EDEM3: variants seen among roughly 807,000 people sequenced by gnomAD.
EDEM3 encodes the protein ER degradation-enhancing alpha-mannosidase-like protein 3.
Under a neutral mutation model 110.2 loss-of-function variants are expected in EDEM3, and 60 were observed. The ratio of observed to expected loss-of-function variants is 0.54; its 90% confidence interval spans 0.44 to 0.67. EDEM3 has a LOEUF of 0.67. Ranked by LOEUF, EDEM3 falls within the 30% of genes least tolerant of loss-of-function variation. The probability of loss-of-function intolerance (pLI) is 0.00; values close to 1 mark genes in which losing one functional copy is unlikely to be tolerated. For synonymous variants in EDEM3, 352 were observed against 382.9 expected (o/e 0.92, Z 0.94); for missense variants, 996 against 1,121.0 (o/e 0.89, Z 1.59).
rs58913815 is a variant in EDEM3 at position 184,704,649 on chromosome 1, C to CAAAAAAAAAAAAA, written c.2204-1666_2204-1654dup. Reference sequence around the variant, plus strand: ...TGGGTGACAAAGCAAGACTCTGTCTCAAAAAAAAAAAAAAAAAAAAAAAAA... The same window carrying CAAAAAAAAAAAAA: ...TGGGTGACAAAGCAAGACTCTGTCTCAAAAAAAAAAAAAAAAAAAAAAAAAAAAAAAAAAAAAA... On this transcript the variant is annotated intron_variant, in intron 18 of 19. Transcript: ENST00000318130. Among the ~76,000 whole-genome samples, 4 of 29,914 alleles carry CAAAAAAAAAAAAA rather than the reference C, an allele frequency of 1.3e-4. 1 individual carries two copies. Among genetic ancestry groups the CAAAAAAAAAAAAA allele is most frequent in the African/African-American group, 4.3e-4 (4 of 9,338 alleles). The allele number at this position is 29,914 out of a possible 152,430, so 19.6% of individuals were successfully genotyped here.
rs958552501 is a variant in EDEM3 at position 184,691,780 on chromosome 1, T to G, written c.*2283A>C. The stretch of plus-strand genomic sequence containing the variant: ...TCCTCTTTTCTTAACTAGGGAAATA[T>G]TGAGTATAATTCCTTCTGGGTATTA... On this transcript the variant is annotated 3_prime_UTR_variant, in exon 20 of 20. Transcript: ENST00000318130. The G allele has an allele frequency of 6.6e-6, 1 of 152,166 alleles. No individual in the cohort carries two copies. The highest frequency in any genetic ancestry group is 2.1e-4 in the South Asian group (1 of 4,838). 9.4% of individuals were successfully genotyped at this position (152,166 alleles called of 1,614,324 possible).
At position 184,716,880 on chromosome 1, in the gene EDEM3, T is replaced by A. The variant is rs748614688; in HGVS notation, c.1370+8A>T. ...CCTGAGGAAAGAGGATGTTAGCAAT[T>A]GTTTTACCTGTCCTCATGACTTCCA... On this transcript the variant is annotated splice_region_variant and intron_variant, in intron 13 of 19. Transcript: ENST00000318130. The A allele has an allele frequency of 6.2e-7, 1 of 1,612,598 alleles. No homozygotes were observed. The highest frequency in any genetic ancestry group is 2.2e-5 in the East Asian group (1 of 44,814).
At chr1:184,719,035 AAG>A in intron 11 of EDEM3, 125 bp downstream of exon 11, 1 of 482,818 alleles carries the variant, frequency 2.1e-6, no homozygotes, top group Non-Finnish European at 3.5e-6. Context: ...AAAAAATAAA[AAG>A]AACCAACAAG....
chr1:184,733,695 G>A lies in EDEM3; in HGVS notation c.459-705C>T, dbSNP rs188187211. 1.7e-3 allele frequency among the ~76,000 whole-genome samples: 260 copies of A among 152,142 alleles called. 2 individuals are homozygous for A. The highest frequency in any genetic ancestry group is 5.9e-3 in the African/African-American group (245 of 41,500). ...ATACAAAAATTAGCTGGGCATGGTG[G>A]CAGGTGCCTGTAATCCCAGCTACTC... is the stretch of plus-strand genomic sequence containing the variant. On this transcript the variant is annotated intron_variant, in intron 5 of 19. Coordinates refer to ENST00000318130, the MANE Select transcript of EDEM3 (RefSeq NM_025191.4).
chr1:184,742,325 T>C (rs1485911180), intron 2 of EDEM3, among the ~76,000 whole-genome samples: 2 of 152,326 alleles, frequency 1.3e-5, no homozygotes, highest in East Asian at 3.9e-4. Flanking sequence ...AGAATCCACA[T>C]ACAGCTACTA....
At position 184,704,774 on chromosome 1, in the gene EDEM3, C is replaced by T. The variant is rs968980305; in HGVS notation, c.2204-1778G>A. Among the ~76,000 whole-genome samples the T allele has an allele frequency of 6.8e-5, 10 of 147,216 alleles. No homozygotes were observed. The Admixed American group carries it at 6.8e-4, about 10-fold the overall frequency. On this transcript the variant is annotated intron_variant, in intron 18 of 19. Coordinates refer to ENST00000318130, the MANE Select transcript of EDEM3 (RefSeq NM_025191.4). ...AATAGCTACCAAAAAAAACATTTGA[C>T]GGGCCAGGCTTGGTGGCTCATGACT...
chr1:184,707,486 A>C (rs1231049651), intron 17 of EDEM3, among the ~76,000 whole-genome samples: 1 of 152,242 alleles, frequency 6.6e-6, no homozygotes, highest in African/African-American at 2.4e-5. Context: ...CAGTTGAATG[A>C]ATCAATCAAT....
Position 184,723,881 on chromosome 1 carries a change from A to AG in EDEM3, c.748-26_748-25insC, listed in dbSNP as rs759351841. ...CCTGTAATTTAAAAAAAAAAAAAAA[A>AG]AAAAGAAGTGCATATTTGAAGAACT... On this transcript the variant is annotated intron_variant, in intron 7 of 19. Transcript: ENST00000318130. 13 of 1,512,652 alleles carry AG rather than the reference A, an allele frequency of 8.6e-6. No individual in the cohort carries two copies. The East Asian group carries it at 2.8e-4, about 33-fold the overall frequency. 93.7% of individuals were successfully genotyped at this position (1,512,652 alleles called of 1,614,324 possible). A position where few individuals can be genotyped will look rare whatever the true frequency, so the allele number is the denominator to read the frequency against.
At position 184,732,817 on chromosome 1, in the gene EDEM3, T is replaced by C. The variant is rs750006065; in HGVS notation, c.612+20A>G. 27 of 1,606,846 alleles carry C rather than the reference T, an allele frequency of 1.7e-5. No homozygotes were observed. The South Asian group carries it at 2.7e-4, about 16-fold the overall frequency. ...AGCAAAGAAAGTATATAAAGACTCA[T>C]ATTTTTCAGAAGTACTTACTCTTGG... is the stretch of plus-strand genomic sequence containing the variant. On this transcript the variant is annotated intron_variant, in intron 6 of 19. Coordinates refer to ENST00000318130, the MANE Select transcript of EDEM3 (RefSeq NM_025191.4).
At chr1:184,749,421 CCT>C in intron 2 of EDEM3, 124 bp downstream of exon 2, 10 of 720,606 alleles carry the variant, frequency 1.4e-5, no homozygotes, top group East Asian at 3.1e-5. Context: ...CTATTTTTGC[CCT>C]GTTTTTTAAA....
intron 2 of EDEM3, among the ~76,000 whole-genome samples, chr1:184,744,020 C>A (rs541377164): frequency 8.3e-4 from 126 of 150,904 alleles, no homozygotes; most frequent in African/African-American, 2.9e-3. Flanking sequence ...TGACATTGGG[C>A]TAGGCAAATA....
chr1:184,720,836 A>G lies in EDEM3; in HGVS notation c.951+453T>C, dbSNP rs12065460. On this transcript the variant is annotated intron_variant, in intron 9 of 19. Transcript: ENST00000318130. ...CAAAAAAACATGCTTGTGGTTCTGA[A>G]CCAGTCTTAAGACTTGCTTTTGAAA... is the stretch of plus-strand genomic sequence containing the variant. The G allele has an allele frequency of 4.1e-3, 634 of 155,154 alleles. 5 individuals are homozygous for G. Among genetic ancestry groups the G allele is most frequent in the East Asian group, 0.035 (184 of 5,226 alleles). 9.6% of individuals were successfully genotyped at this position (155,154 alleles called of 1,614,324 possible). A position where few individuals can be genotyped will look rare whatever the true frequency, so the allele number is the denominator to read the frequency against.
chr1:184,737,629 A>G lies in EDEM3; in HGVS notation c.287T>C (p.Val96Ala). The G allele has an allele frequency of 6.2e-7, 1 of 1,613,964 alleles. No individual in the cohort carries two copies. The highest frequency in any genetic ancestry group is 1.1e-5 in the South Asian group (1 of 91,084). The change falls in exon 3 of 20, where the codon GTT (valine) becomes GCT (alanine). Residue 96 changes from valine (V) to alanine (A), a missense_variant. Transcript: ENST00000318130. The part of the protein sequence containing the change: ...VRGQEPSRGD[V>A]DDALGKFSLT... ...TACTCACTTTCCCAAGGCATCATCA[A>G]CGTCACCGCGACTTGGCTCTTGGCC... is the stretch of plus-strand genomic sequence containing the variant.
At chr1:184,715,989 G>A (rs1350288936) in intron 13 of EDEM3, among the ~76,000 whole-genome samples, 5 of 152,068 alleles carry the variant, frequency 3.3e-5, no homozygotes, top group Non-Finnish European at 7.4e-5. Context: ...CTCACTGCCT[G>A]GAACTTCTTT....
rs1649078328 is a variant in EDEM3 at position 184,691,852 on chromosome 1, T to C, written c.*2211A>G. On this transcript the variant is annotated 3_prime_UTR_variant, in exon 20 of 20. Transcript: ENST00000318130. The stretch of plus-strand genomic sequence containing the variant: ...TCCTTTTCTTTTTTTAAGGATTTAC[T>C]TTTCTTAACAAGTGAACAATTTGCT... 1 of 152,126 alleles carries C rather than the reference T, an allele frequency of 6.6e-6. No individual in the cohort carries two copies. The highest frequency in any genetic ancestry group is 2.1e-4 in the South Asian group (1 of 4,836). The allele number at this position is 152,126 out of a possible 1,614,324, so 9.4% of individuals were successfully genotyped here. A position where few individuals can be genotyped will look rare whatever the true frequency, so the allele number is the denominator to read the frequency against.
chr1:184,736,916 TC>T (rs1651858087), intron 4 of EDEM3, 108 bp downstream of exon 4: 1 of 865,528 alleles, frequency 1.2e-6, no homozygotes, highest in African/African-American at 1.7e-5. Flanking sequence ...GATCAGAACA[TC>T]TTTAATTCTG....
intron 19 of EDEM3, among the ~76,000 whole-genome samples, chr1:184,697,031 AT>A (rs1265015535): frequency 6.6e-6 from 1 of 151,934 alleles, no homozygotes; most frequent in Admixed American, 6.6e-5. Flanking sequence ...TAATAAAAAA[AT>A]ACTATTAGAA....
At position 184,719,561 on chromosome 1, in the gene EDEM3, T is replaced by C. The variant is rs772581318; in HGVS notation, c.959A>G (p.Asp320Gly). ...CTGGCTAATATACCTCATTATGGCATCATAGTGCTAAAAGATCACAACATG... is the reference window on the plus strand; with the variant it reads ...CTGGCTAATATACCTCATTATGGCACCATAGTGCTAAAAGATCACAACATG... ...SFLERFNTHY[D>G]AIMRYISQPP... The change falls in exon 10 of 20, where the codon GAT becomes GGT. Residue 320 changes from aspartate to glycine, a missense_variant. Physicochemically the swap from Asp to Gly is moderately conservative, Grantham distance 94. Around this residue, in one of 5 missense-constraint regions of EDEM3, gnomAD observed 310 missense variants for 394.6 expected, o/e 0.79. Coordinates refer to ENST00000318130, the MANE Select transcript of EDEM3 (RefSeq NM_025191.4). 1.2e-6 allele frequency: 2 copies of C among 1,613,800 alleles called. No homozygotes were observed. Among genetic ancestry groups the C allele is most frequent in the Non-Finnish European group, 1.7e-6 (2 of 1,179,936 alleles).
At chr1:184,740,546 T>C (rs948275310) in intron 2 of EDEM3, among the ~76,000 whole-genome samples, 2 of 152,230 alleles carry the variant, frequency 1.3e-5, no homozygotes, top group African/African-American at 4.8e-5. Context: ...AAGTGAATGA[T>C]CACTCTGTTT....
Sources: allele counts gnomAD v4.1 joint callset (sites outside exome capture counted in the v4.1 genomes callset), GRCh38; gene constraint gnomAD v4.1.1; regional missense constraint gnomAD v4.1.1; transcripts MANE v1.5; gene names NCBI Gene and HGNC (gene_info 2026-07-23, HGNC 2026-07-21).